The following SPTAN1 variants were observed in gnomAD, a reference collection of about 807,000 sequenced individuals.
SPTAN1 encodes spectrin alpha chain, non-erythrocytic 1.
In SPTAN1, 61 loss-of-function variants were observed where a neutral mutation model predicts 331.3. That is an observed-to-expected ratio of 0.18 (90% CI 0.15 to 0.23). The LOEUF is 0.23. Among genes scored for constraint, SPTAN1 ranks in the 10% least tolerant of loss-of-function variants. The pLI, the probability that SPTAN1 is intolerant of heterozygous loss-of-function variation, is 1.00. For synonymous variants in SPTAN1, 1,153 were observed against 1,173.9 expected, an observed-to-expected ratio of 0.98 and a Z score of 0.36; for missense variants, 2,043 against 3,147.9, an observed-to-expected ratio of 0.65 and a Z score of 8.40.
At position 128,626,583 on chromosome 9, in the gene SPTAN1, C is replaced by A; in HGVS notation, c.6472C>A (p.Leu2158Met). 2.5e-6 allele frequency: 4 copies of A among 1,613,932 alleles called. No homozygotes were observed. The highest frequency in any genetic ancestry group is 3.4e-6 in the Non-Finnish European group (4 of 1,179,952). ...GGCTGACTTCAACCAGCTGGCCGAG[C>A]TGGACCGCCAGATCAAGAGCTTCCG... Reference protein sequence around the residue: ...AQADFNQLAELDRQIKSFRVA... With the variant: ...AQADFNQLAEMDRQIKSFRVA... Residue 2158 changes from leucine to methionine, a missense_variant, in exon 49 of 57, where the codon CTG (leucine) becomes ATG (methionine). Physicochemically the swap from Leu to Met is conservative, Grantham distance 15. Transcript: ENST00000372739.
chr9:128,624,535 T>C, intron 46 of SPTAN1, 48 bp downstream of exon 46: 1 of 1,604,958 alleles, frequency 6.2e-7, no homozygotes, highest in Admixed American at 1.7e-5. Context: ...GAGCTGCTCT[T>C]TGTCTCCTTC....
At position 128,629,104 on chromosome 9, in the gene SPTAN1, T is replaced by C; in HGVS notation, c.6707+1162T>C. ...CTCCCCTCCCTTTGGTGTATTCATT[T>C]GGTTTCTTTTCTTTGAATAGCATAG... On this transcript the variant is annotated intron_variant, in intron 51 of 56. Transcript: ENST00000372739. The surrounding 1 kb of genome is among the most constrained non-coding windows in gnomAD (Gnocchi z 4.9). The C allele has an allele frequency of 2.5e-6, 1 of 398,820 alleles. No individual in the cohort carries two copies. The highest frequency in any genetic ancestry group is 4.4e-6 in the Non-Finnish European group (1 of 226,208). 24.7% of individuals were successfully genotyped at this position (398,820 alleles called of 1,614,324 possible).
rs1362916710 is a variant in SPTAN1, at chr9:128,577,873, T to C, written c.1086-237T>C. On this transcript the variant is annotated intron_variant, in intron 8 of 56. Transcript: ENST00000372739. The surrounding 1 kb of genome is among the most constrained non-coding windows in gnomAD (Gnocchi z 4.2). ...CTGGGAATAACAAGGAAGTTGAAAA[T>C]GTGGGACAGGATTGGGGCATTATAG... Among the ~76,000 whole-genome samples, 1 of 69,892 alleles carries C rather than the reference T, an allele frequency of 1.4e-5. No individual in the cohort carries two copies. The highest frequency in any genetic ancestry group is 4.4e-5 in the Non-Finnish European group (1 of 22,594). 45.9% of individuals were successfully genotyped at this position (69,892 alleles called of 152,430 possible).
intron 19 of SPTAN1, 147 bp downstream of exon 19, chr9:128,586,112 G>GTTTTTT (rs35434571): frequency 3.4e-5 from 9 of 266,138 alleles, no homozygotes; most frequent in East Asian, 2.9e-4. Context: ...TTTTCACTTG[G>GTTTTTT]TTTTTTTTTT....
At chr9:128,618,189 G>A in intron 43 of SPTAN1, 81 bp downstream of exon 43, 1 of 1,589,774 alleles carries the variant, frequency 6.3e-7, no homozygotes, top group South Asian at 1.1e-5. Context: ...TGGGGGTCCA[G>A]TGGGCCCTCC....
Position 128,608,990 on chromosome 9 carries a change from T to A in SPTAN1, c.4595+13T>A. On this transcript the variant is annotated intron_variant, in intron 35 of 56. Transcript: ENST00000372739. ...AGGTCTTGGACAGGTGGGTGTCCTGTGGCACTGACATAGTCACCAGCCCTG... is the reference window on the plus strand; with the variant it reads ...AGGTCTTGGACAGGTGGGTGTCCTGAGGCACTGACATAGTCACCAGCCCTG... 6.2e-7 allele frequency: 1 copy of A among 1,614,056 alleles called. No individual in the cohort carries two copies. Among genetic ancestry groups the A allele is most frequent in the Non-Finnish European group, 8.5e-7 (1 of 1,179,888 alleles).
At chr9:128,594,053 A>G (rs1853893056) in intron 23 of SPTAN1, 122 bp from the exon 24 acceptor site, 1 of 899,926 alleles carries the variant, frequency 1.1e-6, no homozygotes, top group South Asian at 1.4e-5. Context: ...CTAGGGCATC[A>G]TCATTACAAA....
intron 27 of SPTAN1, 25 bp downstream of exon 27, chr9:128,600,140 G>A (rs769058539): frequency 1.2e-6 from 2 of 1,612,196 alleles, no homozygotes. Context: ...GCAAATTATT[G>A]TTTTCAAGAG....
chr9:128,632,332 G>A lies in SPTAN1; in HGVS notation c.6959+9G>A, dbSNP rs1414339689. 1 of 1,613,420 alleles carries A rather than the reference G, an allele frequency of 6.2e-7. No homozygotes were observed. The highest frequency in any genetic ancestry group is 1.7e-5 in the Admixed American group (1 of 59,976). Reference sequence around the variant, plus strand: ...CAGCAGATCCAGGCCAGGTACCCGGGAGGGCTGTGGGCCAGGCTCAGCCCA... The same window carrying A: ...CAGCAGATCCAGGCCAGGTACCCGGAAGGGCTGTGGGCCAGGCTCAGCCCA... On this transcript the variant is annotated intron_variant, in intron 53 of 56. Transcript: ENST00000372739.
chr9:128,631,826 T>G, intron 52 of SPTAN1: 1 of 391,098 alleles, frequency 2.6e-6, no homozygotes, highest in Non-Finnish European at 4.7e-6. Context: ...TCAAAAAAAT[T>G]TATAAAAATC....
chr9:128,598,516 C>T lies in SPTAN1; in HGVS notation c.3519+12C>T, dbSNP rs1854618446. 1 of 1,579,354 alleles carries T rather than the reference C, an allele frequency of 6.3e-7. No homozygotes were observed. The highest frequency in any genetic ancestry group is 1.8e-5 in the Admixed American group (1 of 56,688). On this transcript the variant is annotated intron_variant, in intron 25 of 56. Transcript: ENST00000372739. ...CTGTGCAACAACAGGTAGGTGTCTCCATCTTGGAGTGAGGCTCTGTTGCTG... is the reference window on the plus strand; with the variant it reads ...CTGTGCAACAACAGGTAGGTGTCTCTATCTTGGAGTGAGGCTCTGTTGCTG...
In SPTAN1 at chr9:128,629,084, C is replaced by A; in HGVS notation, c.6707+1142C>A. The A allele has an allele frequency of 2.5e-6, 1 of 398,792 alleles. No individual in the cohort carries two copies. Among genetic ancestry groups the A allele is most frequent in the South Asian group, 1.3e-4 (1 of 7,858 alleles). 24.7% of individuals were successfully genotyped at this position (398,792 alleles called of 1,614,324 possible). ...CTGTTGCAGTGTGCTCTTGCCTCCC[C>A]TCCCTTTGGTGTATTCATTTGGTTT... On this transcript the variant is annotated intron_variant, in intron 51 of 56. Coordinates refer to ENST00000372739, the MANE Select transcript of SPTAN1 (RefSeq NM_001130438.3). The surrounding 1 kb of genome is among the most constrained non-coding windows in gnomAD (Gnocchi z 4.9).
In SPTAN1 at chr9:128,604,364, C is replaced by T. The variant is rs372831978; in HGVS notation, c.3666C>T (p.Ala1222=). 9 of 1,613,832 alleles carry T rather than the reference C, an allele frequency of 5.6e-6. No individual in the cohort carries two copies. The Admixed American group carries it at 6.7e-5, about 12-fold the overall frequency. ...NERWRSLQQL[A]EERSQLLGSA... ...GCTGGCGGTCCCTACAGCAGCTGGC[C>T]GAGGAACGGAGCCAGCTCTTGGGCA... Residue 1222 remains alanine (A), a synonymous_variant, in exon 29 of 57, where the codon GCC becomes GCT. Coordinates refer to ENST00000372739, the MANE Select transcript of SPTAN1 (RefSeq NM_001130438.3).
At chr9:128,568,721 T>C (rs1850320306) in intron 2 of SPTAN1, 51 bp from the exon 3 acceptor site, 1 of 1,611,550 alleles carries the variant, frequency 6.2e-7, no homozygotes, top group Non-Finnish European at 8.5e-7. Context: ...GGGGACAAAA[T>C]GCTGATGCTG....
intron 51 of SPTAN1, chr9:128,628,794 G>A: frequency 4.1e-6 from 1 of 244,018 alleles, no homozygotes; most frequent in Non-Finnish European, 7.8e-6. Context: ...GGGGACGTAG[G>A]GATCGCAGTT....
Position 128,632,813 on chromosome 9 carries a change from G to A in SPTAN1, c.7166G>A (p.Gly2389Asp), listed in dbSNP as rs1860000191. The change falls in exon 56 of 57, where the codon GGC becomes GAC. Residue 2389 changes from glycine to aspartate, a missense_variant. By Grantham distance (94) the Gly-to-Asp change is moderately conservative. Around this residue, in one of 12 missense-constraint regions of SPTAN1, gnomAD observed 9 missense variants for 35.8 expected, o/e 0.25. Transcript: ENST00000372739. Reference protein sequence around the residue: ...ILDTVDPNRDGHVSLQEYMAF... With the variant: ...ILDTVDPNRDDHVSLQEYMAF... ...CTTGCTTCCCCCGCTCCTAGAGATG[G>A]CCATGTCTCCTTGCAAGAATACATG... 1 of 1,613,920 alleles carries A rather than the reference G, an allele frequency of 6.2e-7. No individual in the cohort carries two copies. Among genetic ancestry groups the A allele is most frequent in the African/African-American group, 1.3e-5 (1 of 74,918 alleles).
intron 9 of SPTAN1, among the ~76,000 whole-genome samples, chr9:128,579,310 A>G (rs896972388): frequency 6.6e-6 from 1 of 152,224 alleles, no homozygotes; most frequent in Non-Finnish European, 1.5e-5. Flanking sequence ...ACCAGGTTCT[A>G]TAAAATCATA....
intron 24 of SPTAN1, among the ~76,000 whole-genome samples, chr9:128,595,299 G>A (rs529363918): frequency 3.9e-5 from 6 of 152,062 alleles, no homozygotes; most frequent in African/African-American, 9.6e-5. Context: ...TAGTACAACC[G>A]GGATTTTGCC....
Position 128,566,697 on chromosome 9 carries a change from G to C in SPTAN1, c.-3-41G>C, listed in dbSNP as rs564670933. On this transcript the variant is annotated intron_variant, in intron 1 of 56. Transcript: ENST00000372739. Reference sequence around the variant, plus strand: ...GGCTAATTACTTTTCATCTATTTTGGTGCCTATTGGTACTTATCTCAGCGC... The same window carrying C: ...GGCTAATTACTTTTCATCTATTTTGCTGCCTATTGGTACTTATCTCAGCGC... 6 of 1,613,286 alleles carry C rather than the reference G, an allele frequency of 3.7e-6. No homozygotes were observed. In the Middle Eastern group the frequency reaches 6.6e-4, roughly 178 times the overall value.
Sources: allele counts gnomAD v4.1 joint callset (sites outside exome capture counted in the v4.1 genomes callset), GRCh38; gene constraint gnomAD v4.1.1; regional missense constraint gnomAD v4.1.1; non-coding constraint Gnocchi (gnomAD v3.1); transcripts MANE v1.5; gene names NCBI Gene and HGNC (gene_info 2026-07-23, HGNC 2026-07-21).